The following NET1 variants were observed in gnomAD, a reference collection of about 807,000 sequenced individuals.
NET1 encodes the protein neuroepithelial cell-transforming gene 1 protein.
Under a neutral mutation model 61.1 loss-of-function variants are expected in NET1, and 42 were observed. The ratio of observed to expected loss-of-function variants is 0.69; its 90% confidence interval spans 0.54 to 0.89. NET1 has a LOEUF of 0.89. NET1 is among the 40% of genes least tolerant of loss of function. NET1 has a pLI of 0.00. For missense variants in NET1, 654 were observed against 747.3 expected, an observed-to-expected ratio of 0.88 and a Z score of 1.46; for synonymous variants, 254 against 281.8, an observed-to-expected ratio of 0.90 and a Z score of 0.99.
At position 5,449,647 on chromosome 10, in the gene NET1, C is replaced by T. The variant is rs1255955692; in HGVS notation, c.256-2183C>T. On this transcript the variant is annotated intron_variant, in intron 3 of 11. Transcript: ENST00000355029. The surrounding 1 kb of genome is among the most constrained non-coding windows in gnomAD (Gnocchi z 4.4). ...TAAATTCTGTAGTTTTAAAATATCACATAATTTTGAGTTACCAGGAAGTTA... is the reference window on the plus strand; with the variant it reads ...TAAATTCTGTAGTTTTAAAATATCATATAATTTTGAGTTACCAGGAAGTTA... Among the ~76,000 whole-genome samples the T allele has an allele frequency of 1.3e-5, 2 of 152,146 alleles. No individual in the cohort carries two copies. The highest frequency in any genetic ancestry group is 2.9e-5 in the Non-Finnish European group (2 of 68,030).
rs929369156 is a variant in NET1, at chr10:5,417,147, G to A, written c.128+4327G>A. Among the ~76,000 whole-genome samples the A allele has an allele frequency of 2.1e-4, 32 of 152,062 alleles. No homozygotes were observed. The highest frequency in any genetic ancestry group is 7.7e-4 in the African/African-American group (32 of 41,416). On this transcript the variant is annotated intron_variant, in intron 1 of 11. Transcript: ENST00000355029. This position sits in a 1 kb window ranked among gnomAD's most constrained non-coding sequence, Gnocchi z 5.5. ...CAAGCTCTGCGTCATTCTGCGAATC[G>A]ATGGCCTGCCAGCTGGCCTGCCAGC...
rs760986357 is a variant in NET1, at chr10:5,417,722, GGA to G, written c.128+4907_128+4908del. 4.6e-5 allele frequency among the ~76,000 whole-genome samples: 7 copies of G among 152,144 alleles called. No individual in the cohort carries two copies. The highest frequency in any genetic ancestry group is 7.4e-5 in the Non-Finnish European group (5 of 68,014). On this transcript the variant is annotated intron_variant, in intron 1 of 11. Transcript: ENST00000355029. This position sits in a 1 kb window ranked among gnomAD's most constrained non-coding sequence, Gnocchi z 5.5. ...CTCCTGTACAACGCTGAACAGAAGT[GGA>G]GAGACGGGAAATTCTTGTCTTGTTT...
chr10:5,435,522 TAGATAGATAGAC>T lies in NET1; in HGVS notation c.255+6297_255+6308del, dbSNP rs774188007. Among the ~76,000 whole-genome samples, 5,617 of 32,600 alleles carry T rather than the reference TAGATAGATAGAC, an allele frequency of 0.17. 293 individuals are homozygous for T. The highest frequency in any genetic ancestry group is 0.3 in the African/African-American group (3,833 of 12,630). The allele number at this position is 32,600 out of a possible 152,430, so 21.4% of individuals were successfully genotyped here. A position where few individuals can be genotyped will look rare whatever the true frequency, so the allele number is the denominator to read the frequency against. On this transcript the variant is annotated intron_variant, in intron 3 of 11. Transcript: ENST00000355029. The surrounding 1 kb of genome is among the most constrained non-coding windows in gnomAD (Gnocchi z 5.0). Reference sequence around the variant, plus strand: ...ATAGATAGATAGATAGATAGATAGATAGATAGATAGACAGACAGACAGATAGATAGATAGATA... The same window carrying T: ...ATAGATAGATAGATAGATAGATAGATAGACAGACAGATAGATAGATAGATA...
rs528480114 is a variant in NET1 at position 5,456,512 on chromosome 10, GA to G, written c.1385-75del. 483 of 1,390,816 alleles carry G rather than the reference GA, an allele frequency of 3.5e-4. 1 individual carries two copies. In the African/African-American group the frequency reaches 6.0e-3, roughly 17 times the overall value. The allele number at this position is 1,390,816 out of a possible 1,614,324, so 86.2% of individuals were successfully genotyped here. On this transcript the variant is annotated intron_variant, in intron 11 of 11. Coordinates refer to ENST00000355029, the MANE Select transcript of NET1 (RefSeq NM_001047160.3). This position sits in a 1 kb window ranked among gnomAD's most constrained non-coding sequence, Gnocchi z 7.0. ...TGCCATAAATTGACAGTCACGTTAA[GA>G]TTGTATGACCACTTTGTCTAGAATA...
chr10:5,430,244 C>T (rs1282652524), intron 3 of NET1, among the ~76,000 whole-genome samples: 1 of 152,114 alleles, frequency 6.6e-6, no homozygotes, highest in Non-Finnish European at 1.5e-5. Context: ...TAGTTTGCCA[C>T]AGTAAAATAC....
chr10:5,430,430 A>G (rs1832330435), intron 3 of NET1, among the ~76,000 whole-genome samples: 1 of 147,118 alleles, frequency 6.8e-6, no homozygotes, highest in South Asian at 2.1e-4. Context: ...GCTGGAGTGC[A>G]GTGGTGCGAT....
At position 5,435,960 on chromosome 10, in the gene NET1, G is replaced by A. The variant is rs969397687; in HGVS notation, c.255+6731G>A. On this transcript the variant is annotated intron_variant, in intron 3 of 11. Coordinates refer to ENST00000355029, the MANE Select transcript of NET1 (RefSeq NM_001047160.3). The surrounding 1 kb of genome is among the most constrained non-coding windows in gnomAD (Gnocchi z 5.0). Reference sequence around the variant, plus strand: ...TTTATTTTGATAGGAAGAGTCAAAAGTGACTGTTGACTTTGTTAATGTGAA... The same window carrying A: ...TTTATTTTGATAGGAAGAGTCAAAAATGACTGTTGACTTTGTTAATGTGAA... Among the ~76,000 whole-genome samples the A allele has an allele frequency of 6.6e-6, 1 of 151,890 alleles. No individual in the cohort carries two copies. The highest frequency in any genetic ancestry group is 6.6e-5 in the Admixed American group (1 of 15,260).
chr10:5,446,603 G>C lies in NET1; in HGVS notation c.256-5227G>C. The stretch of plus-strand genomic sequence containing the variant: ...CTGGGGTCGGTGCTTGCTGCCTGCG[G>C]CTCTCAGAAGCCTCTGCTCCACCGC... On this transcript the variant is annotated intron_variant, in intron 3 of 11. Coordinates refer to ENST00000355029, the MANE Select transcript of NET1 (RefSeq NM_001047160.3). The surrounding 1 kb of genome is among the most constrained non-coding windows in gnomAD (Gnocchi z 5.0). 8.2e-7 allele frequency: 1 copy of C among 1,221,332 alleles called. No individual in the cohort carries two copies. Among genetic ancestry groups the C allele is most frequent in the South Asian group, 3.4e-5 (1 of 29,232 alleles). The allele number at this position is 1,221,332 out of a possible 1,614,324, so 75.7% of individuals were successfully genotyped here. A position where few individuals can be genotyped will look rare whatever the true frequency, so the allele number is the denominator to read the frequency against.
rs1354783273 is a variant in NET1 at position 5,443,357 on chromosome 10, C to G, written c.256-8473C>G. ...TGATTAAGATAACATGTATAAAGCT[C>G]TAGCACAAAGTAATTGAGATAATAA... On this transcript the variant is annotated intron_variant, in intron 3 of 11. Coordinates refer to ENST00000355029, the MANE Select transcript of NET1 (RefSeq NM_001047160.3). This position sits in a 1 kb window ranked among gnomAD's most constrained non-coding sequence, Gnocchi z 4.8. Among the ~76,000 whole-genome samples the G allele has an allele frequency of 6.6e-6, 1 of 152,166 alleles. No individual in the cohort carries two copies. The highest frequency in any genetic ancestry group is 6.5e-5 in the Admixed American group (1 of 15,274).
In NET1 at chr10:5,431,093, G is replaced by A. The variant is rs192557611; in HGVS notation, c.255+1864G>A. Among the ~76,000 whole-genome samples, 1,526 of 151,318 alleles carry A rather than the reference G, an allele frequency of 0.01. 7 individuals are homozygous for A. Among genetic ancestry groups the A allele is most frequent in the Non-Finnish European group, 0.014 (972 of 67,752 alleles). ...TCACCGTGTTAGCCAGGATGGTCTC[G>A]ATCTCCTGACCTCGTGATCCGCCTG... On this transcript the variant is annotated intron_variant, in intron 3 of 11. Transcript: ENST00000355029. The surrounding 1 kb of genome is among the most constrained non-coding windows in gnomAD (Gnocchi z 4.9).
Position 5,446,798 on chromosome 10 carries a change from A to C in NET1, c.256-5032A>C. The C allele has an allele frequency of 6.2e-7, 1 of 1,611,326 alleles. No individual in the cohort carries two copies. The highest frequency in any genetic ancestry group is 8.5e-7 in the Non-Finnish European group (1 of 1,178,432). On this transcript the variant is annotated intron_variant, in intron 3 of 11. Transcript: ENST00000355029. The surrounding 1 kb of genome is among the most constrained non-coding windows in gnomAD (Gnocchi z 5.0). ...CACATGATGAGACTGGAGGTCTCCT[A>C]CCTATTAAAAGGACCATACGAGTCC... is the stretch of plus-strand genomic sequence containing the variant.
Position 5,446,955 on chromosome 10 carries a change from CTT to C in NET1, c.256-4872_256-4871del. 1.1e-6 allele frequency: 1 copy of C among 896,838 alleles called. No individual in the cohort carries two copies. The highest frequency in any genetic ancestry group is 1.6e-6 in the Non-Finnish European group (1 of 618,452). The allele number at this position is 896,838 out of a possible 1,614,324, so 55.6% of individuals were successfully genotyped here. A position where few individuals can be genotyped will look rare whatever the true frequency, so the allele number is the denominator to read the frequency against. ...AAGGTATTAACAGTATAATTTTAAA[CTT>C]TTGATCTTATTATTACAATGTATGT... On this transcript the variant is annotated intron_variant, in intron 3 of 11. Coordinates refer to ENST00000355029, the MANE Select transcript of NET1 (RefSeq NM_001047160.3). This position sits in a 1 kb window ranked among gnomAD's most constrained non-coding sequence, Gnocchi z 5.0.
rs1832851063 is a variant in NET1, at chr10:5,458,724, GT to G, written c.*1731del. On this transcript the variant is annotated 3_prime_UTR_variant, in exon 12 of 12. Coordinates refer to ENST00000355029, the MANE Select transcript of NET1 (RefSeq NM_001047160.3). This position sits in a 1 kb window ranked among gnomAD's most constrained non-coding sequence, Gnocchi z 4.5. Reference sequence around the variant, plus strand: ...TCTGGATAGGATAGTAAGGGTAGTAGTGGCAAAGGATCCTGATTAATTTCAG... The same window carrying G: ...TCTGGATAGGATAGTAAGGGTAGTAGGGCAAAGGATCCTGATTAATTTCAG... 6.6e-6 allele frequency among the ~76,000 whole-genome samples: 1 copy of G among 152,208 alleles called. No homozygotes were observed. The highest frequency in any genetic ancestry group is 1.5e-5 in the Non-Finnish European group (1 of 68,040).
chr10:5,427,190 G>C lies in NET1; in HGVS notation c.195+469G>C, dbSNP rs533158238. 3.8e-4 allele frequency among the ~76,000 whole-genome samples: 57 copies of C among 151,988 alleles called. No homozygotes were observed. The highest frequency in any genetic ancestry group is 1.3e-3 in the African/African-American group (52 of 41,454). ...ATTTTTATAGCAGGACTTTACAGAG[G>C]CATTTAATTTTGTGTGAAGTGATAA... On this transcript the variant is annotated intron_variant, in intron 2 of 11. Coordinates refer to ENST00000355029, the MANE Select transcript of NET1 (RefSeq NM_001047160.3). This position sits in a 1 kb window ranked among gnomAD's most constrained non-coding sequence, Gnocchi z 4.1.
rs538664936 is a variant in NET1, at chr10:5,456,578, T to C, written c.1385-10T>C. 3.4e-5 allele frequency: 51 copies of C among 1,518,756 alleles called. No individual in the cohort carries two copies. In the African/African-American group the frequency reaches 6.4e-4, roughly 19 times the overall value. 94.1% of individuals were successfully genotyped at this position (1,518,756 alleles called of 1,614,324 possible). A position where few individuals can be genotyped will look rare whatever the true frequency, so the allele number is the denominator to read the frequency against. On this transcript the variant is annotated splice_polypyrimidine_tract_variant and intron_variant, in intron 11 of 11. Coordinates refer to ENST00000355029, the MANE Select transcript of NET1 (RefSeq NM_001047160.3). This position sits in a 1 kb window ranked among gnomAD's most constrained non-coding sequence, Gnocchi z 7.0. ...CTGATTTCTTTTTTTTTTCCAATTT[T>C]TTTTTTCAGCTAAAAATATCTTTAG...
Position 5,457,017 on chromosome 10 carries a change from A to T in NET1, c.*23A>T, listed in dbSNP as rs758916558. 1.3e-6 allele frequency: 2 copies of T among 1,516,982 alleles called. No homozygotes were observed. Among genetic ancestry groups the T allele is most frequent in the South Asian group, 2.7e-5 (2 of 75,088 alleles). 94.0% of individuals were successfully genotyped at this position (1,516,982 alleles called of 1,614,324 possible). ...TAGAGAAGGCTCTGTGTGTTAACTGATGGGAGAGACTGTTTGTTTATAAAT... is the reference window on the plus strand; with the variant it reads ...TAGAGAAGGCTCTGTGTGTTAACTGTTGGGAGAGACTGTTTGTTTATAAAT... On this transcript the variant is annotated 3_prime_UTR_variant, in exon 12 of 12. Transcript: ENST00000355029. The surrounding 1 kb of genome is among the most constrained non-coding windows in gnomAD (Gnocchi z 5.4).
At position 5,412,723 on chromosome 10, in the gene NET1, C is replaced by G; in HGVS notation, c.31C>G (p.Pro11Ala). The change falls in exon 1 of 12, where the codon CCT becomes GCT. Residue 11 changes from proline (P) to alanine (A), a missense_variant. Physicochemically the swap from Pro to Ala is conservative, Grantham distance 27. Coordinates refer to ENST00000355029, the MANE Select transcript of NET1 (RefSeq NM_001047160.3). This position sits in a 1 kb window ranked among gnomAD's most constrained non-coding sequence, Gnocchi z 6.5. ...GCCCGAGCTGGCGGCTCAGAAGCAG[C>G]CTCGACCGCGGAGGCGAAGCCGCCG... MEPELAAQKQ[P>A]RPRRRSRRAS... 1.4e-6 allele frequency: 2 copies of G among 1,480,080 alleles called. No individual in the cohort carries two copies. Among genetic ancestry groups the G allele is most frequent in the Non-Finnish European group, 1.8e-6 (2 of 1,123,816 alleles). The allele number at this position is 1,480,080 out of a possible 1,614,324, so 91.7% of individuals were successfully genotyped here.
intron 3 of NET1, among the ~76,000 whole-genome samples, chr10:5,442,552 C>T (rs77080424): frequency 1.3e-5 from 2 of 152,110 alleles, no homozygotes; most frequent in East Asian, 3.8e-4. Flanking sequence ...AAAGAAAAGA[C>T]GCTAACCAAT....
At position 5,432,928 on chromosome 10, in the gene NET1, T is replaced by C. The variant is rs544514816; in HGVS notation, c.255+3699T>C. On this transcript the variant is annotated intron_variant, in intron 3 of 11. Coordinates refer to ENST00000355029, the MANE Select transcript of NET1 (RefSeq NM_001047160.3). ...AATGGTTCTTTATACTGATACCTTA[T>C]GTAATACCTTTTGGGCTACTATAAA... Among the ~76,000 whole-genome samples the C allele has an allele frequency of 2.0e-5, 3 of 150,292 alleles. No homozygotes were observed. The East Asian group carries it at 5.8e-4, about 29-fold the overall frequency.
Sources: gnomAD v4.1 joint callset for allele counts (sites outside exome capture counted in the v4.1 genomes callset) on GRCh38, gnomAD v4.1.1 for gene constraint, Gnocchi (gnomAD v3.1) non-coding constraint, MANE v1.5 for transcripts, NCBI Gene and HGNC (gene_info 2026-07-23, HGNC 2026-07-21) for gene names.